Variants in BCKDHB observed in about 807,000 individuals in gnomAD.
BCKDHB encodes the protein branched chain keto acid dehydrogenase E1 subunit beta, also known as 2-oxoisovalerate dehydrogenase subunit beta, mitochondrial.
In BCKDHB, 41 loss-of-function variants were observed where a neutral mutation model predicts 48.5. The ratio of observed to expected loss-of-function variants is 0.85; its 90% CI spans 0.66 to 1.10. The LOEUF (loss-of-function observed/expected upper bound fraction) is 1.10, where lower values mean the gene tolerates loss of function less well. Ranked by LOEUF, BCKDHB falls within the 50% of genes least tolerant of loss-of-function variation. BCKDHB has a pLI of 0.00. For synonymous variants in BCKDHB, 201 were observed against 174.8 expected, an observed-to-expected ratio of 1.15 and a Z score of -1.18; for missense variants, 496 against 494.2, an observed-to-expected ratio of 1.00 and a Z score of -0.03.
At chr6:80,157,106 T>G (rs990078104) in intron 3 of BCKDHB, among the ~76,000 whole-genome samples, 1 of 152,164 alleles carries the variant, frequency 6.6e-6, no homozygotes, top group African/African-American at 2.4e-5. Flanking sequence ...TACTGAACAT[T>G]ATTGTATCAT....
chr6:80,168,239 C>T (rs1048273832), intron 4 of BCKDHB, among the ~76,000 whole-genome samples: 1 of 151,592 alleles, frequency 6.6e-6, no homozygotes, highest in African/African-American at 2.4e-5. Context: ...GAACTGTGAT[C>T]GCAGCACTGC....
At chr6:80,343,504 A>C in intron 9 of BCKDHB, 160 bp from the exon 10 acceptor site, 1 of 768,808 alleles carries the variant, frequency 1.3e-6, no homozygotes, top group Non-Finnish European at 2.1e-6. Context: ...TCATGCGAAC[A>C]TGCTGTTACC....
intron 9 of BCKDHB, among the ~76,000 whole-genome samples, chr6:80,291,671 G>A (rs1766923646): frequency 1.3e-5 from 2 of 151,708 alleles, no homozygotes; most frequent in African/African-American, 4.8e-5. Context: ...TTTTTTCTGA[G>A]TAGCAGCCAG....
chr6:80,219,218 T>A (rs2127856550), intron 8 of BCKDHB, among the ~76,000 whole-genome samples: 1 of 152,192 alleles, frequency 6.6e-6, no homozygotes, highest in Non-Finnish European at 1.5e-5. Context: ...TTTTTTTTCT[T>A]TTTTTGGAGA....
chr6:80,374,757 C>T, the BCKDHB span, among the ~76,000 whole-genome samples: 19 of 152,092 alleles, frequency 1.2e-4, no homozygotes, highest in African/African-American at 3.4e-4. Context: ...GTGAGATGTA[C>T]GCTTTAAGGA....
chr6:80,415,917 G>C, the BCKDHB span, among the ~76,000 whole-genome samples: 2 of 151,250 alleles, frequency 1.3e-5, no homozygotes, highest in African/African-American at 4.9e-5. Flanking sequence ...TTTCTTGGTG[G>C]GTAGTATAAT....
chr6:80,371,045 G>T, the BCKDHB span, among the ~76,000 whole-genome samples: 1 of 152,054 alleles, frequency 6.6e-6, no homozygotes, highest in African/African-American at 2.4e-5. Context: ...TCTGCTTTTA[G>T]TTCTTTAAGG....
Position 80,320,199 on chromosome 6 carries a change from T to C in BCKDHB, c.1039-23465T>C, listed in dbSNP as rs1768647841. Among the ~76,000 whole-genome samples, 4 of 152,202 alleles carry C rather than the reference T, an allele frequency of 2.6e-5. No homozygotes were observed. In the South Asian group the frequency reaches 8.3e-4, roughly 31 times the overall value. ...GTGAATAGTAGCAAATATGTCCTTA[T>C]ATAGTTCTGGGTTCTTGCTTTATAA... On this transcript the variant is annotated intron_variant, in intron 9 of 9. Transcript: ENST00000320393.
intron 8 of BCKDHB, among the ~76,000 whole-genome samples, chr6:80,209,109 A>G (rs865957986): frequency 1.3e-5 from 2 of 151,942 alleles, no homozygotes; most frequent in Non-Finnish European, 2.9e-5. Context: ...TTAAAATTCA[A>G]TATTTATTCA....
the BCKDHB span, among the ~76,000 whole-genome samples, chr6:80,407,917 A>G: frequency 6.6e-6 from 1 of 152,200 alleles, no homozygotes; most frequent in Non-Finnish European, 1.5e-5. Context: ...GAGAGAGGGC[A>G]TCCTTGTCTT....
At chr6:80,110,125 T>G (rs7755034) in intron 1 of BCKDHB, among the ~76,000 whole-genome samples, 1 of 152,218 alleles carries the variant, frequency 6.6e-6, no homozygotes, top group Admixed American at 6.5e-5. Flanking sequence ...GTGACACTTA[T>G]GCTGCTTTAT....
intron 9 of BCKDHB, 129 bp from the exon 10 acceptor site, chr6:80,343,528 TTACAGTA>T: frequency 1.0e-6 from 1 of 980,966 alleles, no homozygotes. Context: ...TTTTTTCATA[TTACAGTA>T]TACTTAAATA....
chr6:80,315,595 C>CTTG (rs1768405762), intron 9 of BCKDHB, among the ~76,000 whole-genome samples: 1 of 151,454 alleles, frequency 6.6e-6, no homozygotes. Context: ...CCCCCGATCC[C>CTTG]TTGTTTTTTT....
intron 8 of BCKDHB, among the ~76,000 whole-genome samples, chr6:80,207,448 T>G (rs1436698949): frequency 6.6e-6 from 1 of 151,838 alleles, no homozygotes; most frequent in Non-Finnish European, 1.5e-5. Context: ...TAAAAATATT[T>G]GGTTAATCCA....
chr6:80,109,088 A>G (rs138027451), intron 1 of BCKDHB, among the ~76,000 whole-genome samples: 42 of 152,336 alleles, frequency 2.8e-4, no homozygotes, highest in African/African-American at 8.4e-4. Flanking sequence ...TAGAGATGCT[A>G]CAAGTCTTTT....
the BCKDHB span, among the ~76,000 whole-genome samples, chr6:80,353,663 G>C: frequency 6.6e-6 from 1 of 152,006 alleles, no homozygotes; most frequent in East Asian, 1.9e-4. Flanking sequence ...GACCATCCTG[G>C]CCAACATGGT....
At chr6:80,240,132 G>T (rs1253050058) in intron 8 of BCKDHB, among the ~76,000 whole-genome samples, 3 of 151,866 alleles carry the variant, frequency 2.0e-5, no homozygotes, top group African/African-American at 7.3e-5. Context: ...TTTTTCCAAT[G>T]CTGTGAAGAA....
the BCKDHB span, among the ~76,000 whole-genome samples, chr6:80,395,318 G>A: frequency 0.09 from 13,725 of 152,158 alleles, 1,741 homozygotes; most frequent in African/African-American, 0.28. Flanking sequence ...GGAAAGTTTG[G>A]AACTTGCTAG....
chr6:80,161,169 G>A (rs757047362), intron 3 of BCKDHB, among the ~76,000 whole-genome samples: 2 of 152,056 alleles, frequency 1.3e-5, no homozygotes, highest in South Asian at 4.2e-4. Flanking sequence ...TTGAGCCTCC[G>A]AAACTTACTG....
Sources: gnomAD v4.1 joint callset for allele counts (sites outside exome capture counted in the v4.1 genomes callset) on GRCh38, gnomAD v4.1.1 for gene constraint, MANE v1.5 for transcripts, NCBI Gene and HGNC (gene_info 2026-07-23, HGNC 2026-07-21) for gene names.